The following SLC9A3 variants were observed in gnomAD, a reference collection of about 807,000 sequenced individuals.
SLC9A3 encodes the protein sodium/hydrogen exchanger 3.
Under a neutral mutation model 86.8 loss-of-function variants are expected in SLC9A3, and 37 were observed. The ratio of observed to expected loss-of-function variants is 0.43; its 90% confidence interval spans 0.33 to 0.56. The LOEUF is 0.56. Ranked by LOEUF, SLC9A3 falls within the 20% of genes least tolerant of loss-of-function variation. The pLI is 0.06. For missense variants in SLC9A3, 1,011 were observed against 1,171.9 expected (o/e 0.86, Z 2.00); for synonymous variants, 581 against 528.3 (o/e 1.10, Z -1.37).
intron 1 of SLC9A3, among the ~76,000 whole-genome samples, chr5:512,074 T>C (rs1452385683): frequency 2.6e-5 from 4 of 152,166 alleles, no homozygotes; most frequent in Non-Finnish European, 5.9e-5. Flanking sequence ...ATGGAGACAG[T>C]AGAAAGATCA....
At chr5:476,763 T>C in intron 11 of SLC9A3, 91 bp from the exon 12 acceptor site, 10 of 1,505,948 alleles carry the variant, frequency 6.6e-6, no homozygotes, top group Non-Finnish European at 9.0e-6. Flanking sequence ...CATCTGGCCC[T>C]GGCTGCCTCC....
intron 1 of SLC9A3, among the ~76,000 whole-genome samples, chr5:511,079 C>T (rs1345149128): frequency 2.0e-5 from 3 of 152,160 alleles, no homozygotes; most frequent in African/African-American, 7.2e-5. Flanking sequence ...CCCAAAATAT[C>T]GAACACACAC....
At chr5:521,523 G>A (rs1329364617) in intron 1 of SLC9A3, among the ~76,000 whole-genome samples, 1 of 152,236 alleles carries the variant, frequency 6.6e-6, no homozygotes, top group Non-Finnish European at 1.5e-5. Flanking sequence ...ACAAATGTTT[G>A]GAAAAGCAAC....
chr5:517,036 C>G (rs974239294), intron 1 of SLC9A3, among the ~76,000 whole-genome samples: 1 of 152,140 alleles, frequency 6.6e-6, no homozygotes, highest in Admixed American at 6.5e-5. Context: ...ATCCATTTGT[C>G]CATCCACTCA....
chr5:520,884 G>A (rs971054746), intron 1 of SLC9A3, among the ~76,000 whole-genome samples: 1 of 152,126 alleles, frequency 6.6e-6, no homozygotes, highest in African/African-American at 2.4e-5. Context: ...AGGAAGCCCA[G>A]GAAGGAAGGA....
chr5:500,150 G>C (rs1251552899), intron 1 of SLC9A3, among the ~76,000 whole-genome samples: 2 of 152,274 alleles, frequency 1.3e-5, no homozygotes, highest in Non-Finnish European at 2.9e-5. Context: ...GAGGCCTTAA[G>C]GAAATGAAGA....
At chr5:519,629 G>A (rs1733826908) in intron 1 of SLC9A3, among the ~76,000 whole-genome samples, 1 of 152,192 alleles carries the variant, frequency 6.6e-6, no homozygotes. Context: ...AGTGTCGGGT[G>A]AGGACGACCT....
At chr5:480,640 C>G (rs759366055) in intron 9 of SLC9A3, 1 of 152,334 alleles carries the variant, frequency 6.6e-6, no homozygotes, top group Non-Finnish European at 1.5e-5. Context: ...TCCGAGACCC[C>G]CGGGATGGCC....
chr5:507,074 CAAAA>C (rs754428552), intron 1 of SLC9A3, among the ~76,000 whole-genome samples: 108 of 78,222 alleles, frequency 1.4e-3, no homozygotes, highest in Non-Finnish European at 2.4e-3. Context: ...GATACTGTCT[CAAAA>C]AATAAATAAA....
At chr5:519,942 G>A (rs988165881) in intron 1 of SLC9A3, among the ~76,000 whole-genome samples, 3 of 152,174 alleles carry the variant, frequency 2.0e-5, no homozygotes, top group East Asian at 1.9e-4. Flanking sequence ...CCAGATACCC[G>A]TCTCGCTCCT....
chr5:489,736 G>C (rs983601416), intron 2 of SLC9A3, among the ~76,000 whole-genome samples: 3 of 152,154 alleles, frequency 2.0e-5, no homozygotes, highest in East Asian at 3.9e-4. Context: ...ATCTTTAAAC[G>C]CGGCCTCCTG....
Position 472,518 on chromosome 5 carries a change from G to A in SLC9A3, c.*861C>T. ...CCTCCGCGCCAGGTGCGACAGCTCA[G>A]GCCGGAGACCTCGTCTGTGGGGACG... is the stretch of plus-strand genomic sequence containing the variant. On this transcript the variant is annotated 3_prime_UTR_variant, in exon 17 of 17. Coordinates refer to ENST00000264938, the MANE Select transcript of SLC9A3 (RefSeq NM_004174.4). 1 of 340,676 alleles carries A rather than the reference G, an allele frequency of 2.9e-6. No individual in the cohort carries two copies. Among genetic ancestry groups the A allele is most frequent in the South Asian group, 2.1e-5 (1 of 47,794 alleles). 21.1% of individuals were successfully genotyped at this position (340,676 alleles called of 1,614,324 possible).
chr5:502,188 A>G (rs7725551), intron 1 of SLC9A3, among the ~76,000 whole-genome samples: 21,108 of 152,220 alleles, frequency 0.14, 2,896 homozygotes, highest in African/African-American at 0.35. Context: ...CGCTGGGGCA[A>G]AATGAACGCA....
chr5:486,071 C>T (rs780406111), intron 3 of SLC9A3, among the ~76,000 whole-genome samples: 32 of 152,070 alleles, frequency 2.1e-4, no homozygotes, highest in African/African-American at 5.3e-4. Flanking sequence ...GTCTGGTGTG[C>T]GACACCCACA....
intron 3 of SLC9A3, among the ~76,000 whole-genome samples, chr5:486,732 G>A (rs1276254609): frequency 6.6e-6 from 1 of 152,180 alleles, no homozygotes; most frequent in East Asian, 1.9e-4. Flanking sequence ...GATCCAATAG[G>A]ACCCGTGTCC....
At chr5:494,711 G>A (rs565133338) in intron 1 of SLC9A3, among the ~76,000 whole-genome samples, 25 of 152,286 alleles carry the variant, frequency 1.6e-4, no homozygotes, top group Non-Finnish European at 2.5e-4. Flanking sequence ...CTGCCCACCC[G>A]CAGGCTGACC....
At chr5:518,829 G>T (rs1733807067) in intron 1 of SLC9A3, among the ~76,000 whole-genome samples, 1 of 152,128 alleles carries the variant, frequency 6.6e-6, no homozygotes, top group Non-Finnish European at 1.5e-5. Context: ...TCCTGGGGTG[G>T]CAGGGAGTGG....
rs1560949099 is a variant in SLC9A3 at position 476,342 on chromosome 5, T to C, written c.1927A>G (p.Thr643Ala). 6.2e-7 allele frequency: 1 copy of C among 1,613,922 alleles called. No individual in the cohort carries two copies. Among genetic ancestry groups the C allele is most frequent in the Non-Finnish European group, 8.5e-7 (1 of 1,180,006 alleles). Residue 643 changes from threonine (T) to alanine (A), a missense_variant, in exon 13 of 17, where the codon ACG (threonine) becomes GCG (alanine). This residue lies in a region of SLC9A3 where 397 missense variants were observed against 346.3 expected (regional missense o/e 1.15). Transcript: ENST00000264938. ...TCCCGGTCCTGTTTCTCGTCCTCCG[T>C]GGGCGTGAGCTCGTGTCGGCTGTAC... ...HLYSRHELTP[T>A]EDEKQDREIF...
chr5:523,934 G>A (rs1459739459), intron 1 of SLC9A3, among the ~76,000 whole-genome samples, 178 bp downstream of exon 1: 1 of 152,110 alleles, frequency 6.6e-6, no homozygotes, highest in Admixed American at 6.5e-5. Context: ...CCGCAGGGGC[G>A]GCTTAGCGCG....
Sources: gnomAD v4.1 joint callset for allele counts (sites outside exome capture counted in the v4.1 genomes callset) on GRCh38, gnomAD v4.1.1 for gene constraint, gnomAD v4.1.1 regional missense constraint, MANE v1.5 for transcripts, NCBI Gene and HGNC (gene_info 2026-07-23, HGNC 2026-07-21) for gene names.